Variants in NCAM1 observed in about 807,000 individuals in gnomAD.
NCAM1 encodes the protein antigen recognized by monoclonal antibody 5.1H11.
A neutral mutation model predicts 109.8 loss-of-function variants in NCAM1; 14 were observed. The observed-to-expected ratio is 0.13, with a 90% confidence interval of 0.08 to 0.20. NCAM1 has a LOEUF of 0.20. Ranked by LOEUF, NCAM1 falls within the 10% of genes least tolerant of loss-of-function variation. The pLI is 1.00. For synonymous variants in NCAM1, 418 were observed against 442.9 expected (o/e 0.94, Z 0.70); for missense variants, 774 against 1,109.9 (o/e 0.70, Z 4.30).
chr11:113,173,452 G>A (rs1555106548), intron 1 of NCAM1, among the ~76,000 whole-genome samples: 1 of 151,792 alleles, frequency 6.6e-6, no homozygotes, highest in African/African-American at 2.4e-5. Flanking sequence ...GGGCTAGAAT[G>A]GGGGTCTGGA....
intron 14 of NCAM1, among the ~76,000 whole-genome samples, chr11:113,244,331 T>C (rs1945434003): frequency 6.6e-6 from 1 of 152,198 alleles, no homozygotes; most frequent in Middle Eastern, 3.2e-3. Context: ...TTTTTAAACA[T>C]CAGACATTTC....
chr11:113,021,377 A>G (rs1952379770), intron 1 of NCAM1, among the ~76,000 whole-genome samples: 1 of 152,220 alleles, frequency 6.6e-6, no homozygotes, highest in South Asian at 2.1e-4. Context: ...AATGGAGAAG[A>G]CATTATATAA....
At chr11:113,034,610 A>G (rs1952810921) in intron 1 of NCAM1, among the ~76,000 whole-genome samples, 2 of 152,112 alleles carry the variant, frequency 1.3e-5, no homozygotes, top group Non-Finnish European at 2.9e-5. Flanking sequence ...GACCTGGACG[A>G]TGTGTGATTG....
At chr11:113,270,561 A>G (rs1430478340) in intron 18 of NCAM1, 166 bp downstream of exon 18, 3 of 664,786 alleles carry the variant, frequency 4.5e-6, no homozygotes, top group Non-Finnish European at 5.1e-6. Flanking sequence ...TTCTCAAAGC[A>G]TGGTCTTTGG....
intron 1 of NCAM1, among the ~76,000 whole-genome samples, chr11:113,136,551 C>T (rs1376395792): frequency 6.6e-6 from 1 of 152,136 alleles, no homozygotes; most frequent in East Asian, 1.9e-4. Context: ...AGGAGGCATG[C>T]GTGAAGCGTG....
rs577837957 is a variant in NCAM1 at position 113,192,606 on chromosome 11, A to G, written c.53-9773A>G. On this transcript the variant is annotated intron_variant, in intron 1 of 19. Coordinates refer to ENST00000316851, the MANE Select transcript of NCAM1 (RefSeq NM_181351.5). The stretch of plus-strand genomic sequence containing the variant: ...CTCCCTTTAATGAGAGAATGGCTCT[A>G]TTGGGATGCAGGTGAGACCGGGACA... Among the ~76,000 whole-genome samples, 3 of 152,302 alleles carry G rather than the reference A, an allele frequency of 2.0e-5. No homozygotes were observed. In the South Asian group the frequency reaches 6.2e-4, roughly 32 times the overall value.
In NCAM1 at chr11:113,214,353, T is replaced by G; in HGVS notation, c.917-16T>G. 6.2e-7 allele frequency: 1 copy of G among 1,612,708 alleles called. No individual in the cohort carries two copies. Among genetic ancestry groups the G allele is most frequent in the Non-Finnish European group, 8.5e-7 (1 of 1,179,084 alleles). The stretch of plus-strand genomic sequence containing the variant: ...CAATAATTAGATAAACTCAGAGAAA[T>G]GTTTTGTCTTTTCAGCAAAACCCAA... On this transcript the variant is annotated splice_polypyrimidine_tract_variant and intron_variant, in intron 7 of 19. Coordinates refer to ENST00000316851, the MANE Select transcript of NCAM1 (RefSeq NM_181351.5).
chr11:113,065,875 A>G (rs1937928267), intron 1 of NCAM1, among the ~76,000 whole-genome samples: 1 of 152,252 alleles, frequency 6.6e-6, no homozygotes, highest in Non-Finnish European at 1.5e-5. Context: ...CCATGCTAAT[A>G]TAAGATGCTA....
intron 1 of NCAM1, among the ~76,000 whole-genome samples, chr11:113,182,940 G>A (rs1943378728): frequency 1.3e-5 from 2 of 152,242 alleles, no homozygotes; most frequent in African/African-American, 2.4e-5. Context: ...CCACTTGGCA[G>A]GACTGGGGTG....
chr11:113,123,050 A>G (rs1329557968), intron 1 of NCAM1, among the ~76,000 whole-genome samples: 1 of 152,182 alleles, frequency 6.6e-6, no homozygotes, highest in Non-Finnish European at 1.5e-5. Flanking sequence ...TACCAGAGGC[A>G]GGGAAGGGTG....
chr11:113,270,545 A>G (rs1946244308), intron 18 of NCAM1, 150 bp downstream of exon 18: 1 of 730,336 alleles, frequency 1.4e-6, no homozygotes, highest in Non-Finnish European at 2.2e-6. Flanking sequence ...AACATTAGAG[A>G]AAAGTTTCTC....
chr11:113,220,244 G>T (rs550003570), intron 8 of NCAM1, among the ~76,000 whole-genome samples: 1 of 152,218 alleles, frequency 6.6e-6, no homozygotes, highest in Admixed American at 6.5e-5. Flanking sequence ...TGTGTCCCTG[G>T]GTTGGCTTGC....
At chr11:113,157,439 T>C (rs1389685992) in intron 1 of NCAM1, among the ~76,000 whole-genome samples, 2 of 152,172 alleles carry the variant, frequency 1.3e-5, no homozygotes, top group African/African-American at 4.8e-5. Flanking sequence ...CATTCTTCTG[T>C]CCTCTTTTTT....
intron 1 of NCAM1, among the ~76,000 whole-genome samples, chr11:113,118,201 A>C (rs1940792853): frequency 6.6e-6 from 1 of 151,846 alleles, no homozygotes; most frequent in South Asian, 2.1e-4. Context: ...ATCTAAAAAT[A>C]AGATGTTAAA....
chr11:113,227,574 T>C (rs1944888529), intron 9 of NCAM1, among the ~76,000 whole-genome samples: 2 of 152,198 alleles, frequency 1.3e-5, no homozygotes, highest in South Asian at 2.1e-4. Context: ...CTTCTCTAAC[T>C]CATTTTATGA....
intron 1 of NCAM1, among the ~76,000 whole-genome samples, chr11:113,039,751 T>C (rs1178285049): frequency 6.6e-6 from 1 of 152,370 alleles, no homozygotes; most frequent in East Asian, 1.9e-4. Context: ...CTGGTAGCTG[T>C]GTTAAAAATA....
intron 1 of NCAM1, among the ~76,000 whole-genome samples, chr11:113,075,778 C>T (rs1057245415): frequency 6.6e-6 from 1 of 152,178 alleles, no homozygotes; most frequent in Admixed American, 6.5e-5. Flanking sequence ...TTCAGTTTCT[C>T]ACACATAAAA....
intron 14 of NCAM1, among the ~76,000 whole-genome samples, chr11:113,239,417 C>T (rs782003948): frequency 8.6e-5 from 13 of 151,570 alleles, no homozygotes; most frequent in Non-Finnish European, 1.8e-4. Flanking sequence ...ATTGCCCAAA[C>T]ATTACCTCTT....
intron 1 of NCAM1, among the ~76,000 whole-genome samples, chr11:113,017,760 G>A (rs1457491639): frequency 6.6e-6 from 1 of 151,946 alleles, no homozygotes; most frequent in Non-Finnish European, 1.5e-5. Flanking sequence ...CAAAATGCAT[G>A]AGGCTTTTTT....
Sources: allele counts gnomAD v4.1 joint callset (sites outside exome capture counted in the v4.1 genomes callset), GRCh38; gene constraint gnomAD v4.1.1; transcripts MANE v1.5; gene names NCBI Gene and HGNC (gene_info 2026-07-23, HGNC 2026-07-21).